HYCC2: variants seen among roughly 807,000 people sequenced by gnomAD.
The protein encoded by HYCC2 is hyccin PI4KA lipid kinase complex subunit 2.
chr2:201,033,626 G>T, the HYCC2 span, among the ~76,000 whole-genome samples: 1 of 151,730 alleles, frequency 6.6e-6, no homozygotes, highest in African/African-American at 2.4e-5. Context: ...GTATGGTCTC[G>T]ATCTCCTGAC....
chr2:201,042,855 G>C, the HYCC2 span, among the ~76,000 whole-genome samples: 99 of 131,986 alleles, frequency 7.5e-4, no homozygotes, highest in African/African-American at 3.6e-3. Context: ...TCTGGGAGGT[G>C]GGGGGGCCCC....
chr2:200,987,423 C>T, the HYCC2 span: 3 of 1,289,808 alleles, frequency 2.3e-6, no homozygotes, highest in Non-Finnish European at 3.0e-6. Context: ...GGGTCCTGCG[C>T]ACCAGCACCT....
chr2:201,022,200 G>C, the HYCC2 span: 2 of 648,906 alleles, frequency 3.1e-6, no homozygotes, highest in South Asian at 3.0e-5. Flanking sequence ...AAAACTGTAT[G>C]TCATACTACT....
chr2:201,023,855 G>T, the HYCC2 span: 2 of 805,856 alleles, frequency 2.5e-6, no homozygotes, highest in Non-Finnish European at 4.0e-6. Context: ...ATATTTTTAT[G>T]TTTCTCCATA....
At chr2:200,997,940 G>A in the HYCC2 span, among the ~76,000 whole-genome samples, 1 of 152,328 alleles carries the variant, frequency 6.6e-6, no homozygotes, top group East Asian at 1.9e-4. Context: ...GAAGGCTGAG[G>A]CAGGAGAATT....
At chr2:200,981,035 T>G in the HYCC2 span, 1 of 564,616 alleles carries the variant, frequency 1.8e-6, no homozygotes, top group Admixed American at 3.1e-5. This position sits in a 1 kb window ranked among gnomAD's most constrained non-coding sequence, Gnocchi z 4.5. Context: ...AAGGCAACCA[T>G]TTTATACTGC....
chr2:200,997,780 G>A, the HYCC2 span, among the ~76,000 whole-genome samples: 21 of 152,308 alleles, frequency 1.4e-4, no homozygotes, highest in South Asian at 4.3e-3. Context: ...GCTCATGCCT[G>A]TAATCCCAGC....
chr2:201,003,317 A>G, the HYCC2 span, among the ~76,000 whole-genome samples: 1,103 of 152,296 alleles, frequency 7.2e-3, 16 homozygotes, highest in African/African-American at 0.025. Flanking sequence ...TCCATGCACT[A>G]GGATTATAGG....
the HYCC2 span, among the ~76,000 whole-genome samples, chr2:201,042,395 G>C: frequency 6.6e-6 from 1 of 151,922 alleles, no homozygotes; most frequent in Non-Finnish European, 1.5e-5. Context: ...AGGAAGTGAG[G>C]AGCGTCTCTG....
At chr2:201,029,567 G>A in the HYCC2 span, among the ~76,000 whole-genome samples, 1 of 152,104 alleles carries the variant, frequency 6.6e-6, no homozygotes, top group African/African-American at 2.4e-5. Context: ...AAGAAAATGT[G>A]GCACATATAT....
the HYCC2 span, chr2:200,992,942 T>C: frequency 6.2e-7 from 1 of 1,614,012 alleles, no homozygotes; most frequent in Non-Finnish European, 8.5e-7. Flanking sequence ...TCCAATACTA[T>C]TCGACCACAG....
chr2:201,064,576 G>A, the HYCC2 span, among the ~76,000 whole-genome samples: 1 of 152,058 alleles, frequency 6.6e-6, no homozygotes, highest in Non-Finnish European at 1.5e-5. Flanking sequence ...GTGACCTGAA[G>A]TTCACCATTA....
the HYCC2 span, chr2:201,063,387 C>T: frequency 3.8e-6 from 6 of 1,580,602 alleles, no homozygotes; most frequent in Non-Finnish European, 4.3e-6. Context: ...AGACCAGGTG[C>T]CCACTTAACT....
the HYCC2 span, chr2:200,981,153 C>T: frequency 8.0e-7 from 1 of 1,257,528 alleles, no homozygotes; most frequent in South Asian, 1.4e-5. The surrounding 1 kb of genome is among the most constrained non-coding windows in gnomAD (Gnocchi z 4.5). Context: ...GATACCTAAA[C>T]TAAATGAAAT....
At chr2:201,041,677 A>C in the HYCC2 span, among the ~76,000 whole-genome samples, 1 of 152,142 alleles carries the variant, frequency 6.6e-6, no homozygotes, top group Admixed American at 6.5e-5. Flanking sequence ...TCCCCACTGG[A>C]TTGTAAATTC....
chr2:201,014,358 C>T, the HYCC2 span, among the ~76,000 whole-genome samples: 1 of 152,008 alleles, frequency 6.6e-6, no homozygotes, highest in Non-Finnish European at 1.5e-5. Context: ...AAAGAAAAAA[C>T]AATCAGGCAA....
At chr2:201,031,489 T>C in the HYCC2 span, among the ~76,000 whole-genome samples, 2 of 152,102 alleles carry the variant, frequency 1.3e-5, no homozygotes, top group African/African-American at 4.8e-5. Flanking sequence ...CCATCTCTAA[T>C]ACAAATACAA....
the HYCC2 span, chr2:201,064,098 G>A: frequency 6.9e-7 from 1 of 1,449,932 alleles, no homozygotes; most frequent in Non-Finnish European, 9.5e-7. Flanking sequence ...GAAGTGACAG[G>A]GAAGCTACAG....
At chr2:201,038,226 T>A in the HYCC2 span, among the ~76,000 whole-genome samples, 1 of 152,166 alleles carries the variant, frequency 6.6e-6, no homozygotes, top group Non-Finnish European at 1.5e-5. Context: ...TGGCGATCAT[T>A]ACAAAGTCAG....
Sources: allele counts gnomAD v4.1 joint callset (sites outside exome capture counted in the v4.1 genomes callset), GRCh38; gene constraint gnomAD v4.1.1; non-coding constraint Gnocchi (gnomAD v3.1); transcripts MANE v1.5; gene names NCBI Gene and HGNC (gene_info 2026-07-23, HGNC 2026-07-21).